NR3C2: variants seen among roughly 807,000 people sequenced by gnomAD.
NR3C2 encodes mineralocorticoid receptor.
Under a neutral mutation model 86.4 loss-of-function variants are expected in NR3C2, and 15 were observed. The ratio of observed to expected loss-of-function variants is 0.17; its 90% confidence interval spans 0.12 to 0.27. NR3C2 has a LOEUF of 0.27. NR3C2 is among the 10% of genes least tolerant of loss of function. The pLI is 1.00. For synonymous variants in NR3C2, 458 were observed against 450.5 expected (o/e 1.02, Z -0.21); for missense variants, 960 against 1,195.6 (o/e 0.80, Z 2.91).
chr4:148,259,288 T>C (rs957106189), intron 3 of NR3C2, among the ~76,000 whole-genome samples: 1 of 152,198 alleles, frequency 6.6e-6, no homozygotes, highest in Non-Finnish European at 1.5e-5. Context: ...AATAAAACCA[T>C]CTGGTCTAAG....
At chr4:148,332,687 C>T (rs1190515971) in intron 2 of NR3C2, among the ~76,000 whole-genome samples, 2 of 152,154 alleles carry the variant, frequency 1.3e-5, no homozygotes, top group Non-Finnish European at 2.9e-5. Context: ...AACCTTAGAG[C>T]CTTGCCTCCC....
rs543028401 is a variant in NR3C2, at chr4:148,422,574, A to G, written c.1757+12530T>C. ...CCATGTGATGGAAGAAAATAAGCAC[A>G]TTTCTACTTCTGGAAAGAGTACTGT... On this transcript the variant is annotated intron_variant, in intron 2 of 8. Coordinates refer to ENST00000358102, the MANE Select transcript of NR3C2 (RefSeq NM_000901.5). Among the ~76,000 whole-genome samples, 3 of 152,264 alleles carry G rather than the reference A, an allele frequency of 2.0e-5. No homozygotes were observed. In the East Asian group the frequency reaches 5.8e-4, roughly 29 times the overall value.
intron 2 of NR3C2, among the ~76,000 whole-genome samples, chr4:148,324,991 A>G (rs1743880337): frequency 6.6e-6 from 1 of 152,240 alleles, no homozygotes. Flanking sequence ...ATATCATATT[A>G]GAGGCATATC....
intron 2 of NR3C2, among the ~76,000 whole-genome samples, chr4:148,432,951 T>C (rs552385096): frequency 9.9e-5 from 15 of 152,244 alleles, no homozygotes; most frequent in Admixed American, 5.2e-4. Flanking sequence ...TTAAAGTTTT[T>C]AGGAAATTTA....
chr4:148,329,979 T>C (rs1169813863), intron 2 of NR3C2, among the ~76,000 whole-genome samples: 1 of 152,352 alleles, frequency 6.6e-6, no homozygotes, highest in East Asian at 1.9e-4. Context: ...GGTATCTATT[T>C]CTGACCAGCC....
chr4:148,281,881 C>A (rs1179250215), intron 2 of NR3C2, among the ~76,000 whole-genome samples: 1 of 152,074 alleles, frequency 6.6e-6, no homozygotes, highest in East Asian at 1.9e-4. Context: ...ATGAGTGCTA[C>A]AAAATACATA....
In NR3C2 at chr4:148,289,132, A is replaced by G. The variant is rs557652091; in HGVS notation, c.1758-29015T>C. Among the ~76,000 whole-genome samples, 167 of 152,320 alleles carry G rather than the reference A, an allele frequency of 1.1e-3. 1 individual carries two copies. The highest frequency in any genetic ancestry group is 3.0e-3 in the Admixed American group (46 of 15,294). On this transcript the variant is annotated intron_variant, in intron 2 of 8. Coordinates refer to ENST00000358102, the MANE Select transcript of NR3C2 (RefSeq NM_000901.5). Reference sequence around the variant, plus strand: ...AGGAAAATTTTAAAATAAACTGGATATGCAATAATTGTTAATTTTCTTAGG... The same window carrying G: ...AGGAAAATTTTAAAATAAACTGGATGTGCAATAATTGTTAATTTTCTTAGG...
intron 3 of NR3C2, among the ~76,000 whole-genome samples, chr4:148,197,969 T>C (rs1178305673): frequency 1.3e-5 from 2 of 151,972 alleles, no homozygotes; most frequent in African/African-American, 2.4e-5. Flanking sequence ...CTGCTTGAGG[T>C]TGGGGCAGCT....
Position 148,338,643 on chromosome 4 carries a change from C to T in NR3C2, c.1758-78526G>A, listed in dbSNP as rs951498298. Among the ~76,000 whole-genome samples the T allele has an allele frequency of 1.2e-4, 19 of 152,042 alleles. 1 individual carries two copies. Among genetic ancestry groups the T allele is most frequent in the African/African-American group, 1.2e-4 (5 of 41,388 alleles). On this transcript the variant is annotated intron_variant, in intron 2 of 8. Coordinates refer to ENST00000358102, the MANE Select transcript of NR3C2 (RefSeq NM_000901.5). The stretch of plus-strand genomic sequence containing the variant: ...CTGAATGGCAACAAACCCTTGGTCA[C>T]GGCACAAAGGAGCAATAGGGAATGG...
intron 6 of NR3C2, among the ~76,000 whole-genome samples, chr4:148,130,556 A>G (rs1249646319): frequency 1.3e-5 from 2 of 152,262 alleles, no homozygotes; most frequent in Admixed American, 1.3e-4. Context: ...ACTCTTCTGG[A>G]TAGTGGGGTG....
At chr4:148,321,821 A>T (rs1201019024) in intron 2 of NR3C2, among the ~76,000 whole-genome samples, 1 of 151,904 alleles carries the variant, frequency 6.6e-6, no homozygotes, top group African/African-American at 2.4e-5. Context: ...TTGGGTCTTG[A>T]CTCTTTATGC....
At chr4:148,103,388 T>C (rs1731629015) in intron 8 of NR3C2, among the ~76,000 whole-genome samples, 2 of 152,186 alleles carry the variant, frequency 1.3e-5, no homozygotes, top group Admixed American at 1.3e-4. Context: ...GTGCCTGGCA[T>C]GGTAGAGGCT....
chr4:148,352,637 T>A (rs72656847), intron 2 of NR3C2, among the ~76,000 whole-genome samples: 2 of 152,160 alleles, frequency 1.3e-5, no homozygotes, highest in African/African-American at 4.8e-5. Context: ...ATTTATCTTA[T>A]TCCTAAAATC....
intron 3 of NR3C2, among the ~76,000 whole-genome samples, chr4:148,244,683 G>A (rs999917133): frequency 1.3e-5 from 2 of 152,222 alleles, no homozygotes; most frequent in African/African-American, 4.8e-5. Flanking sequence ...CTTGAAGGGA[G>A]AGGAAGAGCC....
At chr4:148,149,124 C>T (rs957944890) in intron 6 of NR3C2, among the ~76,000 whole-genome samples, 1 of 152,178 alleles carries the variant, frequency 6.6e-6, no homozygotes, top group African/African-American at 2.4e-5. Context: ...AAAAACACAG[C>T]TTTGCTCTAT....
At chr4:148,379,998 T>G (rs561036396) in intron 2 of NR3C2, among the ~76,000 whole-genome samples, 1 of 152,222 alleles carries the variant, frequency 6.6e-6, no homozygotes, top group East Asian at 1.9e-4. Flanking sequence ...AAGGGAAAAT[T>G]AGGTATATTT....
chr4:148,383,043 A>G (rs1315774014), intron 2 of NR3C2, among the ~76,000 whole-genome samples: 1 of 152,240 alleles, frequency 6.6e-6, no homozygotes, highest in Non-Finnish European at 1.5e-5. Context: ...TAGTGTAAAT[A>G]AGTCCTATAA....
chr4:148,248,001 T>A (rs72655206), intron 3 of NR3C2, among the ~76,000 whole-genome samples: 1,705 of 152,276 alleles, frequency 0.011, 28 homozygotes, highest in African/African-American at 0.039. Flanking sequence ...ACATAAGTAA[T>A]TTTGAATTTT....
chr4:148,279,871 G>A (rs1473633993), intron 2 of NR3C2, among the ~76,000 whole-genome samples: 10 of 151,898 alleles, frequency 6.6e-5, no homozygotes, highest in Admixed American at 5.2e-4. Context: ...GATTACAGGC[G>A]CCTGCCACCA....
Sources: gnomAD v4.1 joint callset for allele counts (sites outside exome capture counted in the v4.1 genomes callset) on GRCh38, gnomAD v4.1.1 for gene constraint, MANE v1.5 for transcripts, NCBI Gene and HGNC (gene_info 2026-07-23, HGNC 2026-07-21) for gene names.